LINGO2: variants seen among roughly 807,000 people sequenced by gnomAD.
The protein encoded by LINGO2 is leucine-rich repeat and immunoglobulin-like domain-containing nogo receptor-interacting protein 2.
A neutral mutation model predicts 30.6 loss-of-function variants in LINGO2; 14 were observed. That is an observed-to-expected ratio of 0.46 (90% confidence interval 0.30 to 0.72). The LOEUF is 0.72. Ranked by LOEUF, LINGO2 falls within the 30% of genes least tolerant of loss-of-function variation. LINGO2 has a pLI of 0.07. For synonymous variants in LINGO2, 317 were observed against 288.5 expected (o/e 1.10, Z -1.00); for missense variants, 729 against 751.7 (o/e 0.97, Z 0.35).
At chr9:29,002,481 T>G in the LINGO2 span, among the ~76,000 whole-genome samples, 2 of 152,114 alleles carry the variant, frequency 1.3e-5, no homozygotes, top group Admixed American at 1.3e-4. Flanking sequence ...TAAATGTGAC[T>G]GCTTTGACAT....
chr9:29,109,129 C>T, the LINGO2 span, among the ~76,000 whole-genome samples: 5 of 141,626 alleles, frequency 3.5e-5, no homozygotes, highest in African/African-American at 1.3e-4. Flanking sequence ...ACATATTTTG[C>T]TTGTGAGTAA....
chr9:29,047,354 T>C, the LINGO2 span, among the ~76,000 whole-genome samples: 6 of 152,126 alleles, frequency 3.9e-5, no homozygotes, highest in Non-Finnish European at 5.9e-5. Context: ...CACAATGAGA[T>C]GCCATCTCAC....
chr9:28,549,243 A>T (rs1333806376), intron 1 of LINGO2, among the ~76,000 whole-genome samples: 2 of 152,082 alleles, frequency 1.3e-5, no homozygotes, highest in Non-Finnish European at 2.9e-5. Context: ...GTCAGTATCC[A>T]TCCCCAACTG....
chr9:28,664,775 A>G (rs1339722311), intron 1 of LINGO2, among the ~76,000 whole-genome samples: 1 of 151,874 alleles, frequency 6.6e-6, no homozygotes, highest in African/African-American at 2.4e-5. Flanking sequence ...ACCTTGTTAT[A>G]ATTCAGGTCC....
At chr9:29,020,024 G>T in the LINGO2 span, among the ~76,000 whole-genome samples, 1 of 152,184 alleles carries the variant, frequency 6.6e-6, no homozygotes, top group East Asian at 1.9e-4. Context: ...AAGATAGCAT[G>T]TGATGGCTGA....
chr9:27,978,562 AG>A (rs1380943221), intron 5 of LINGO2, among the ~76,000 whole-genome samples: 1 of 152,024 alleles, frequency 6.6e-6, no homozygotes. Flanking sequence ...TCTGTGAACC[AG>A]GAAGTGGGCC....
chr9:28,007,202 T>C (rs1822310026), intron 5 of LINGO2, among the ~76,000 whole-genome samples: 2 of 152,198 alleles, frequency 1.3e-5, no homozygotes, highest in African/African-American at 4.8e-5. Context: ...AGAAACAAAG[T>C]AAGTTCTATA....
chr9:28,558,006 G>T (rs1471964657), intron 1 of LINGO2, among the ~76,000 whole-genome samples: 2 of 109,042 alleles, frequency 1.8e-5, no homozygotes, highest in Non-Finnish European at 3.6e-5. Flanking sequence ...TGGGGTGGGG[G>T]GAGGGGGGAG....
At chr9:28,937,738 G>A in the LINGO2 span, among the ~76,000 whole-genome samples, 6 of 152,268 alleles carry the variant, frequency 3.9e-5, no homozygotes, top group South Asian at 2.1e-4. Context: ...CTGGGCCTGC[G>A]GTGTGAGTGG....
the LINGO2 span, among the ~76,000 whole-genome samples, chr9:28,911,510 G>T: frequency 6.6e-6 from 1 of 152,014 alleles, no homozygotes. Context: ...TGGACAAAAT[G>T]CAAGTCTGAA....
chr9:28,236,826 T>C (rs976758117), intron 4 of LINGO2, among the ~76,000 whole-genome samples: 9 of 152,026 alleles, frequency 5.9e-5, no homozygotes, highest in African/African-American at 2.2e-4. Flanking sequence ...TAGTATTTGA[T>C]AGCACATCAG....
rs950518 is a variant in LINGO2 at position 28,568,977 on chromosome 9, G to T, written c.-364-92952C>A. Among the ~76,000 whole-genome samples the T allele has an allele frequency of 2.0e-3, 292 of 146,904 alleles. 2 individuals carry two copies. Among genetic ancestry groups the T allele is most frequent in the African/African-American group, 7.6e-3 (280 of 36,880 alleles). Reference sequence around the variant, plus strand: ...ACACTCCCAATAAAAAGTGGGCAAAGGACTGTAATAGAAATTTTTTCAATG... The same window carrying T: ...ACACTCCCAATAAAAAGTGGGCAAATGACTGTAATAGAAATTTTTTCAATG... On this transcript the variant is annotated intron_variant, in intron 1 of 5. Transcript: ENST00000379992.
chr9:28,848,072 A>ATATATACACTATATATAGTGTGTATATAT, the LINGO2 span, among the ~76,000 whole-genome samples: 1 of 47,900 alleles, frequency 2.1e-5, no homozygotes, highest in Admixed American at 2.5e-4. Flanking sequence ...TGTATATAAT[A>ATATATACACTATATATAGTGTGTATATAT]TATATATACA....
chr9:28,511,512 G>A (rs1334703137), intron 1 of LINGO2, among the ~76,000 whole-genome samples: 1 of 152,122 alleles, frequency 6.6e-6, no homozygotes, highest in Non-Finnish European at 1.5e-5. Flanking sequence ...AGATTACAGG[G>A]GTGGCTAGGG....
At chr9:29,032,502 A>C in the LINGO2 span, among the ~76,000 whole-genome samples, 11 of 152,216 alleles carry the variant, frequency 7.2e-5, no homozygotes, top group African/African-American at 1.9e-4. Context: ...TTTTGAGTGT[A>C]TACATGCATA....
At chr9:28,142,000 T>C (rs1222964484) in intron 4 of LINGO2, among the ~76,000 whole-genome samples, 1 of 152,198 alleles carries the variant, frequency 6.6e-6, no homozygotes, top group Non-Finnish European at 1.5e-5. Context: ...ATTTTCTGCA[T>C]TACTTCAGCA....
intron 1 of LINGO2, among the ~76,000 whole-genome samples, chr9:28,622,335 T>C (rs1406734335): frequency 6.6e-6 from 1 of 151,966 alleles, no homozygotes; most frequent in Non-Finnish European, 1.5e-5. Context: ...TAACCATCCT[T>C]CTACTCTCTC....
chr9:28,776,470 A>C, the LINGO2 span, among the ~76,000 whole-genome samples: 1 of 152,346 alleles, frequency 6.6e-6, no homozygotes, highest in African/African-American at 2.4e-5. Context: ...CAATGCAGAA[A>C]GTTTACTCAA....
At chr9:29,051,716 T>G in the LINGO2 span, among the ~76,000 whole-genome samples, 1 of 152,122 alleles carries the variant, frequency 6.6e-6, no homozygotes, top group African/African-American at 2.4e-5. Context: ...TTAAGAATAT[T>G]TCTCATATCT....
Sources: allele counts gnomAD v4.1 joint callset (sites outside exome capture counted in the v4.1 genomes callset), GRCh38; gene constraint gnomAD v4.1.1; transcripts MANE v1.5; gene names NCBI Gene and HGNC (gene_info 2026-07-23, HGNC 2026-07-21).